INPP4A: variants seen among roughly 807,000 people sequenced by gnomAD.
The protein encoded by INPP4A is inositol polyphosphate-4-phosphatase type I A, also known as inositol polyphosphate-4-phosphatase, type I, 107kD.
INPP4A carries 33 observed loss-of-function variants against 119.8 expected under a neutral mutation model. The ratio of observed to expected loss-of-function variants is 0.28; its 90% CI spans 0.21 to 0.37. INPP4A has a LOEUF of 0.37. Ranked by LOEUF, INPP4A falls within the 10% of genes least tolerant of loss-of-function variation. The pLI, the probability that INPP4A is intolerant of heterozygous loss-of-function variation, is 1.00. For synonymous variants in INPP4A, 496 were observed against 500.7 expected (o/e 0.99, Z 0.12); for missense variants, 956 against 1,289.9 (o/e 0.74, Z 3.97).
chr2:98,472,271 G>A (rs1310445860), intron 1 of INPP4A, among the ~76,000 whole-genome samples: 1 of 152,190 alleles, frequency 6.6e-6, no homozygotes, highest in African/African-American at 2.4e-5. Flanking sequence ...TACACAGCTG[G>A]GCTTGACCCA....
chr2:98,454,574 G>C (rs1387531847), intron 1 of INPP4A, among the ~76,000 whole-genome samples: 2 of 152,116 alleles, frequency 1.3e-5, no homozygotes, highest in Non-Finnish European at 2.9e-5. Context: ...TTCGACCCCT[G>C]CTCCACTTGA....
intron 1 of INPP4A, among the ~76,000 whole-genome samples, chr2:98,488,333 A>C (rs530487921): frequency 1.6e-4 from 24 of 152,164 alleles, no homozygotes; most frequent in Non-Finnish European, 2.9e-4. Flanking sequence ...TTGTAATCTC[A>C]ATTTATGTGT....
chr2:98,547,772 C>T (rs1692733327), intron 13 of INPP4A, among the ~76,000 whole-genome samples: 1 of 151,788 alleles, frequency 6.6e-6, no homozygotes, highest in South Asian at 2.1e-4. Context: ...ATCAGAAGGG[C>T]CAGGAGAAGA....
intron 1 of INPP4A, among the ~76,000 whole-genome samples, chr2:98,445,370 G>A (rs1434502707): frequency 6.6e-6 from 1 of 152,222 alleles, no homozygotes; most frequent in African/African-American, 2.4e-5. Context: ...CGCAGACGCG[G>A]TGCCTGCCCG....
At chr2:98,479,062 C>T (rs965525511) in intron 1 of INPP4A, among the ~76,000 whole-genome samples, 3 of 152,156 alleles carry the variant, frequency 2.0e-5, no homozygotes, top group South Asian at 2.1e-4. Flanking sequence ...CACTTCCTCC[C>T]GGCTCCTGGG....
At chr2:98,495,902 C>T (rs977206421) in intron 1 of INPP4A, among the ~76,000 whole-genome samples, 16 of 152,176 alleles carry the variant, frequency 1.1e-4, no homozygotes, top group Admixed American at 1.0e-3. Flanking sequence ...AGATTTTTCC[C>T]CACAAGAGAC....
chr2:98,470,268 G>C (rs1042802010), intron 1 of INPP4A, among the ~76,000 whole-genome samples: 2 of 152,256 alleles, frequency 1.3e-5, no homozygotes, highest in African/African-American at 2.4e-5. Context: ...ATTTTAAAGA[G>C]CTCTGGACCC....
At chr2:98,473,608 GT>G (rs1289720174) in intron 1 of INPP4A, among the ~76,000 whole-genome samples, 1 of 152,118 alleles carries the variant, frequency 6.6e-6, no homozygotes, top group Non-Finnish European at 1.5e-5. Flanking sequence ...TTACAATGTG[GT>G]CAGGGCCTCT....
intron 10 of INPP4A, among the ~76,000 whole-genome samples, chr2:98,540,823 C>T (rs961061673): frequency 1.3e-5 from 2 of 152,190 alleles, no homozygotes; most frequent in African/African-American, 4.8e-5. Context: ...TCCCACTTCT[C>T]AAAACTGTGG....
At chr2:98,577,626 G>A (rs187153069) in intron 24 of INPP4A, among the ~76,000 whole-genome samples, 1 of 152,346 alleles carries the variant, frequency 6.6e-6, no homozygotes, top group East Asian at 1.9e-4. Flanking sequence ...TCTAGCAGTC[G>A]ACACCATTTG....
chr2:98,473,651 C>T (rs776421176), intron 1 of INPP4A, among the ~76,000 whole-genome samples: 1 of 151,932 alleles, frequency 6.6e-6, no homozygotes, highest in Admixed American at 6.5e-5. Flanking sequence ...TGACCTCACC[C>T]GGGCCAGATG....
intron 16 of INPP4A, among the ~76,000 whole-genome samples, chr2:98,557,348 C>A (rs919299227): frequency 1.3e-5 from 2 of 152,196 alleles, no homozygotes; most frequent in Non-Finnish European, 2.9e-5. Flanking sequence ...CATATGCCAC[C>A]AAATTATCTG....
chr2:98,561,407 C>T (rs1014420384), intron 17 of INPP4A, among the ~76,000 whole-genome samples: 2 of 152,202 alleles, frequency 1.3e-5, no homozygotes, highest in African/African-American at 2.4e-5. Context: ...AATCATGTTA[C>T]TGCCCAAGAA....
intron 1 of INPP4A, among the ~76,000 whole-genome samples, chr2:98,453,591 A>G (rs1164123523): frequency 1.3e-5 from 2 of 152,142 alleles, no homozygotes; most frequent in Non-Finnish European, 2.9e-5. Flanking sequence ...CTGGATGTGT[A>G]TACACTTGGG....
rs78776490 is a variant in INPP4A at position 98,463,837 on chromosome 2, G to T, written c.-166+18752G>T. On this transcript the variant is annotated intron_variant, in intron 1 of 24. Coordinates refer to ENST00000409851, the MANE Select transcript of INPP4A (RefSeq NM_001134225.2). ...CTGTTAGCCCTAGGGTCTGCTGCAT[G>T]CGGTGCCAGGGGCTGAGGAATGCTG... Among the ~76,000 whole-genome samples, 792 of 152,336 alleles carry T rather than the reference G, an allele frequency of 5.2e-3. 12 individuals are homozygous for T. Among genetic ancestry groups the T allele is most frequent in the African/African-American group, 0.018 (736 of 41,572 alleles).
chr2:98,591,155 A>C lies in INPP4A; in HGVS notation c.*3547A>C. On this transcript the variant is annotated 3_prime_UTR_variant, in exon 25 of 25. Transcript: ENST00000409851. Reference sequence around the variant, plus strand: ...GTCTTTCATTTTGATGCTTGTTCTGAAATGGAGTCCTGGCTTCACCATGGA... The same window carrying C: ...GTCTTTCATTTTGATGCTTGTTCTGCAATGGAGTCCTGGCTTCACCATGGA... 1 of 182,264 alleles carries C rather than the reference A, an allele frequency of 5.5e-6. No individual in the cohort carries two copies. Among genetic ancestry groups the C allele is most frequent in the East Asian group, 9.1e-5 (1 of 10,952 alleles). 11.3% of individuals were successfully genotyped at this position (182,264 alleles called of 1,614,324 possible).
chr2:98,537,878 C>T lies in INPP4A; in HGVS notation c.483C>T (p.Asp161=). ...TGCATCACAGGTCTGCAGAGAGTGA[C>T]CGTGTAGGTAACATCACCGTGATTG... ...LHLTLRSAES[D]RVGNITVIGW... is the part of the protein sequence containing the mutation. Residue 161 remains aspartate (D), a synonymous_variant, in exon 8 of 25, where the codon GAC becomes GAT. Transcript: ENST00000409851. 6.2e-7 allele frequency: 1 copy of T among 1,611,792 alleles called. No homozygotes were observed. Among genetic ancestry groups the T allele is most frequent in the Non-Finnish European group, 8.5e-7 (1 of 1,178,784 alleles).
intron 1 of INPP4A, among the ~76,000 whole-genome samples, chr2:98,484,585 G>A (rs908060159): frequency 6.6e-6 from 1 of 152,062 alleles, no homozygotes; most frequent in African/African-American, 2.4e-5. Flanking sequence ...CCTAAGGATG[G>A]TACAGTTCCC....
intron 10 of INPP4A, among the ~76,000 whole-genome samples, chr2:98,542,518 G>A (rs1691656897): frequency 6.6e-6 from 1 of 152,146 alleles, no homozygotes; most frequent in Non-Finnish European, 1.5e-5. Flanking sequence ...GAGAGTTTTA[G>A]TGTTTACTGA....
Sources: gnomAD v4.1 joint callset for allele counts (sites outside exome capture counted in the v4.1 genomes callset) on GRCh38, gnomAD v4.1.1 for gene constraint, MANE v1.5 for transcripts, NCBI Gene and HGNC (gene_info 2026-07-23, HGNC 2026-07-21) for gene names.